Variants in MCC observed in about 807,000 individuals in gnomAD.
MCC encodes colorectal mutant cancer protein.
Under a neutral mutation model 116.2 loss-of-function variants are expected in MCC, and 90 were observed. The ratio of observed to expected loss-of-function variants is 0.77; its 90% CI spans 0.65 to 0.92. The LOEUF (loss-of-function observed/expected upper bound fraction) is 0.92, where lower values mean the gene tolerates loss of function less well. Ranked by LOEUF, MCC falls within the 40% of genes least tolerant of loss-of-function variation. The probability of loss-of-function intolerance (pLI) is 0.00; values close to 1 mark genes in which losing one functional copy is unlikely to be tolerated. For synonymous variants in MCC, 578 were observed against 510.5 expected, an observed-to-expected ratio of 1.13 and a Z score of -1.78; for missense variants, 1,516 against 1,312.2, an observed-to-expected ratio of 1.16 and a Z score of -2.40.
At chr5:113,248,422 A>C (rs760473902) in intron 3 of MCC, among the ~76,000 whole-genome samples, 1 of 152,140 alleles carries the variant, frequency 6.6e-6, no homozygotes, top group Non-Finnish European at 1.5e-5. Flanking sequence ...CTGTCACTTC[A>C]TTGCCTCAGT....
At chr5:113,195,940 C>A (rs1762383981) in intron 3 of MCC, among the ~76,000 whole-genome samples, 1 of 152,134 alleles carries the variant, frequency 6.6e-6, no homozygotes, top group Non-Finnish European at 1.5e-5. Flanking sequence ...CATCTGTCAC[C>A]CCCTCAGGGA....
intron 3 of MCC, among the ~76,000 whole-genome samples, chr5:113,266,691 C>T (rs537463467): frequency 6.6e-6 from 1 of 152,238 alleles, no homozygotes; most frequent in South Asian, 2.1e-4. Context: ...CACTTCCTTA[C>T]ATTTAAAGGC....
intron 17 of MCC, among the ~76,000 whole-genome samples, chr5:113,035,640 A>G (rs1751278675): frequency 6.6e-6 from 1 of 152,170 alleles, no homozygotes; most frequent in African/African-American, 2.4e-5. Context: ...CTGCACAGCC[A>G]GGGCCTCTTC....
At chr5:113,095,406 A>C (rs953760861) in intron 8 of MCC, among the ~76,000 whole-genome samples, 2 of 152,266 alleles carry the variant, frequency 1.3e-5, no homozygotes, top group African/African-American at 4.8e-5. Context: ...GTATAATAAT[A>C]GTACCTATCA....
At chr5:113,108,389 T>A (rs112217075) in intron 6 of MCC, among the ~76,000 whole-genome samples, 4,883 of 137,646 alleles carry the variant, frequency 0.035, 143 homozygotes, top group East Asian at 0.09. Flanking sequence ...GTGTGGTGGC[T>A]CATGCCTATA....
chr5:113,152,982 G>A (rs916179429), intron 3 of MCC, among the ~76,000 whole-genome samples: 3 of 152,124 alleles, frequency 2.0e-5, no homozygotes, highest in Non-Finnish European at 2.9e-5. Context: ...CAGTGTTCCC[G>A]TTGTATAGTC....
At chr5:113,350,945 CATT>C (rs1768252200) in intron 2 of MCC, among the ~76,000 whole-genome samples, 2 of 152,212 alleles carry the variant, frequency 1.3e-5, no homozygotes, top group Admixed American at 1.3e-4. Flanking sequence ...TGCTCAACAT[CATT>C]GATTATCAGA....
intron 6 of MCC, among the ~76,000 whole-genome samples, chr5:113,118,595 C>G (rs889558584): frequency 6.6e-6 from 1 of 152,160 alleles, no homozygotes; most frequent in Non-Finnish European, 1.5e-5. Flanking sequence ...CTTTGGAGAT[C>G]GGCAAATACA....
At chr5:113,399,202 T>C (rs764275487) in intron 1 of MCC, among the ~76,000 whole-genome samples, 4 of 152,064 alleles carry the variant, frequency 2.6e-5, no homozygotes, top group Non-Finnish European at 5.9e-5. Flanking sequence ...ATGTCAGTTA[T>C]TGGCCAGGTG....
intron 1 of MCC, among the ~76,000 whole-genome samples, chr5:113,407,743 A>C (rs958362830): frequency 3.3e-5 from 5 of 152,130 alleles, no homozygotes; most frequent in African/African-American, 1.2e-4. Context: ...CCTGTCACCT[A>C]TATTTTAAGC....
chr5:113,317,258 G>A (rs891547354), intron 3 of MCC, among the ~76,000 whole-genome samples: 4 of 152,076 alleles, frequency 2.6e-5, no homozygotes, highest in African/African-American at 4.8e-5. Flanking sequence ...TTTTCTGTTC[G>A]CTAACCCACT....
Position 113,024,157 on chromosome 5 carries a change from T to C in MCC, c.*3145A>G, listed in dbSNP as rs1025761087. 2.0e-5 allele frequency: 3 copies of C among 152,216 alleles called. No homozygotes were observed. Among genetic ancestry groups the C allele is most frequent in the Non-Finnish European group, 4.4e-5 (3 of 68,046 alleles). 9.4% of individuals were successfully genotyped at this position (152,216 alleles called of 1,614,324 possible). On this transcript the variant is annotated 3_prime_UTR_variant, in exon 19 of 19. Coordinates refer to ENST00000408903, the MANE Select transcript of MCC (RefSeq NM_001085377.2). ...ACTTAGAAGAGGTCCCTCTAAAATA[T>C]TGCTGCAGGCTCAGAGAAGACTTAG... is the stretch of plus-strand genomic sequence containing the variant.
intron 3 of MCC, among the ~76,000 whole-genome samples, chr5:113,191,856 C>A (rs560060394): frequency 3.7e-4 from 56 of 152,274 alleles, no homozygotes; most frequent in Non-Finnish European, 5.6e-4. Context: ...TGTTGTTTTT[C>A]TCTCTTCTAT....
intron 5 of MCC, among the ~76,000 whole-genome samples, chr5:113,125,492 G>A (rs1757993743): frequency 6.6e-6 from 1 of 152,132 alleles, no homozygotes; most frequent in Admixed American, 6.5e-5. Context: ...GTCTCCCACT[G>A]ACTTTGGTAA....
At chr5:113,142,859 C>T (rs952936492) in intron 5 of MCC, among the ~76,000 whole-genome samples, 3 of 52,068 alleles carry the variant, frequency 5.8e-5, no homozygotes, top group Non-Finnish European at 8.9e-5. Context: ...CAGGGATGCT[C>T]GTCTCTAAGA....
In MCC at chr5:113,064,040, G is replaced by A. The variant is rs528285554; in HGVS notation, c.2157C>T (p.Ala719=). The A allele has an allele frequency of 1.5e-5, 25 of 1,614,146 alleles. No homozygotes were observed. Among genetic ancestry groups the A allele is most frequent in the Admixed American group, 5.0e-5 (3 of 60,028 alleles). Residue 719 remains alanine (A), a synonymous_variant, in exon 14 of 19, where the codon GCC becomes GCT. Transcript: ENST00000408903. ...KLDGSCGGAF[A]VAGCSVQPWE... ...AGGGCTGCACGCTGCAGCCGGCCAC[G>A]GCAAAGGCTCCCCCACAGCTGCCGT...
chr5:113,485,228 C>T (rs994571207), intron 1 of MCC, among the ~76,000 whole-genome samples: 1 of 152,272 alleles, frequency 6.6e-6, no homozygotes, highest in Non-Finnish European at 1.5e-5. Context: ...ATCCTTCCCC[C>T]ACACTTAAGA....
At chr5:113,146,480 A>T (rs1431053042) in intron 4 of MCC, among the ~76,000 whole-genome samples, 1 of 151,424 alleles carries the variant, frequency 6.6e-6, no homozygotes, top group Non-Finnish European at 1.5e-5. Context: ...TGTGAACTCT[A>T]GGGAGCATGA....
intron 1 of MCC, among the ~76,000 whole-genome samples, chr5:113,409,873 T>A (rs545779629): frequency 6.6e-6 from 1 of 152,266 alleles, no homozygotes; most frequent in Admixed American, 6.5e-5. Flanking sequence ...ATAAAACATA[T>A]GCTCACTATA....
Sources: gnomAD v4.1 joint callset for allele counts (sites outside exome capture counted in the v4.1 genomes callset) on GRCh38, gnomAD v4.1.1 for gene constraint, MANE v1.5 for transcripts, NCBI Gene and HGNC (gene_info 2026-07-23, HGNC 2026-07-21) for gene names.